The following STK11 variants were observed in gnomAD, a reference collection of about 807,000 sequenced individuals.
The protein encoded by STK11 is serine/threonine-protein kinase STK11.
A neutral mutation model predicts 47.3 loss-of-function variants in STK11; 8 were observed. That is an observed-to-expected ratio of 0.17 (90% CI 0.10 to 0.31). The LOEUF is 0.31. STK11 is among the 10% of genes least tolerant of loss of function. STK11 has a pLI of 1.00. For missense variants in STK11, 475 were observed against 605.0 expected (o/e 0.79, Z 2.25); for synonymous variants, 330 against 255.8 (o/e 1.29, Z -2.77).
intron 1 of STK11, among the ~76,000 whole-genome samples, chr19:1,217,235 A>C (rs945008716): frequency 6.6e-6 from 1 of 151,898 alleles, no homozygotes; most frequent in African/African-American, 2.4e-5. Context: ...CTTTTATGAG[A>C]CAGGGTCTTA....
At position 1,227,665 on chromosome 19, in the gene STK11, G is replaced by A. The variant is rs181155548; in HGVS notation, c.*89G>A. On this transcript the variant is annotated 3_prime_UTR_variant, in exon 10 of 10. Coordinates refer to ENST00000326873, the MANE Select transcript of STK11 (RefSeq NM_000455.5). ...TCCTGCCGGTTCCGCCCGCCCTCCCGGAGAGGTGGCCGCCATGCTTCTGTG... is the reference window on the plus strand; with the variant it reads ...TCCTGCCGGTTCCGCCCGCCCTCCCAGAGAGGTGGCCGCCATGCTTCTGTG... 5.6e-4 allele frequency: 594 copies of A among 1,068,742 alleles called. 3 individuals are homozygous for A. The African/African-American group carries it at 9.0e-3, about 16-fold the overall frequency. 66.2% of individuals were successfully genotyped at this position (1,068,742 alleles called of 1,614,324 possible).
intron 8 of STK11, chr19:1,225,588 TA>T: frequency 1.0e-6 from 1 of 985,522 alleles, no homozygotes; most frequent in Non-Finnish European, 1.2e-6. Context: ...TTTTTAAAGC[TA>T]GTGACTTCCT....
chr19:1,223,844 C>T (rs1017340150), intron 8 of STK11: 3 of 1,026,252 alleles, frequency 2.9e-6, no homozygotes. Context: ...CGGCCCAGGG[C>T]TGGGCCGTGT....
At chr19:1,224,519 C>T (rs34072429) in intron 8 of STK11, 144,315 of 985,316 alleles carry the variant, frequency 0.15, 11,102 homozygotes, top group Non-Finnish European at 0.16. Context: ...GGCAGGAGGG[C>T]CAGTTAGGGC....
intron 1 of STK11, among the ~76,000 whole-genome samples, chr19:1,210,013 C>T (rs1464464418): frequency 1.3e-5 from 2 of 152,194 alleles, no homozygotes; most frequent in Admixed American, 1.3e-4. Context: ...TGTGTAACGG[C>T]TTTGCCCTTG....
intron 1 of STK11, among the ~76,000 whole-genome samples, chr19:1,211,311 T>A (rs1367582742): frequency 6.6e-6 from 1 of 151,992 alleles, no homozygotes; most frequent in Non-Finnish European, 1.5e-5. Flanking sequence ...TAAAATAAAA[T>A]CAGTGCCATA....
rs1203010279 is a variant in STK11, at chr19:1,228,054, TTTTTC to T, written c.*483_*487del. The T allele has an allele frequency of 9.4e-6, 10 of 1,065,394 alleles. No individual in the cohort carries two copies. The highest frequency in any genetic ancestry group is 3.3e-5 in the African/African-American group (2 of 60,974). 66.0% of individuals were successfully genotyped at this position (1,065,394 alleles called of 1,614,324 possible). On this transcript the variant is annotated 3_prime_UTR_variant, in exon 10 of 10. Transcript: ENST00000326873. ...TTTGTTTGGTTGGTTCCATTTTCTT[TTTTTC>T]TTTTTTTTTTTAAGAAAAAATAAAA...
intron 1 of STK11, among the ~76,000 whole-genome samples, chr19:1,216,099 A>T (rs891056738): frequency 6.6e-6 from 1 of 152,078 alleles, no homozygotes; most frequent in African/African-American, 2.4e-5. Context: ...AAAAAAAACT[A>T]TGGAGATGGA....
At chr19:1,224,963 G>C in intron 8 of STK11, 1 of 985,572 alleles carries the variant, frequency 1.0e-6, no homozygotes, top group South Asian at 4.7e-5. Flanking sequence ...GGCGCCCTCG[G>C]GTCAGGCCAT....
At chr19:1,217,093 G>A (rs1250744001) in intron 1 of STK11, among the ~76,000 whole-genome samples, 1 of 152,020 alleles carries the variant, frequency 6.6e-6, no homozygotes, top group African/African-American at 2.4e-5. Flanking sequence ...TGTTCCTCAG[G>A]GTGTGTACCT....
intron 8 of STK11, 34 bp downstream of exon 8, chr19:1,223,206 T>C: frequency 6.3e-7 from 1 of 1,591,160 alleles, no homozygotes; most frequent in African/African-American, 1.3e-5. Context: ...CCGGCTCTGC[T>C]GACTCGGCCA....
rs368014506 is a variant in STK11 at position 1,228,205 on chromosome 19, C to T, written c.*629C>T. 4,123 of 962,588 alleles carry T rather than the reference C, an allele frequency of 4.3e-3. 13 individuals carry two copies. The highest frequency in any genetic ancestry group is 5.4e-3 in the Middle Eastern group (12 of 2,210). 59.6% of individuals were successfully genotyped at this position (962,588 alleles called of 1,614,324 possible). ...CTCGGGTCACCCTGCTTTGGCGGCC[C>T]GGCCGGAGGGCAGGACCCTCACCTC... On this transcript the variant is annotated 3_prime_UTR_variant, in exon 10 of 10. Coordinates refer to ENST00000326873, the MANE Select transcript of STK11 (RefSeq NM_000455.5).
chr19:1,208,830 C>T (rs1331428049), intron 1 of STK11, among the ~76,000 whole-genome samples: 2 of 146,908 alleles, frequency 1.4e-5, no homozygotes, highest in Non-Finnish European at 3.0e-5. Context: ...ACCATCTTGG[C>T]CAGGTTGGTC....
chr19:1,215,713 G>C (rs1260379438), intron 1 of STK11, among the ~76,000 whole-genome samples: 4 of 152,182 alleles, frequency 2.6e-5, no homozygotes, highest in Non-Finnish European at 5.9e-5. Context: ...GGTGGGGAAG[G>C]CTGGGTCGTG....
Position 1,206,970 on chromosome 19 carries a change from G to C in STK11, c.57G>C (p.Ser19=), listed in dbSNP as rs748698151. The part of the protein sequence containing the change: ...LGMFTEGELM[S]VGMDTFIHRI... Reference sequence around the variant, plus strand: ...TGTTCACGGAGGGCGAGCTGATGTCGGTGGGTATGGACACGTTCATCCACC... The same window carrying C: ...TGTTCACGGAGGGCGAGCTGATGTCCGTGGGTATGGACACGTTCATCCACC... Residue 19 remains serine, a synonymous_variant, in exon 1 of 10, where the codon TCG becomes TCC. Transcript: ENST00000326873. The C allele has an allele frequency of 7.4e-6, 12 of 1,611,190 alleles. No individual in the cohort carries two copies. The highest frequency in any genetic ancestry group is 3.3e-5 in the South Asian group (3 of 90,612).
intron 1 of STK11, 87 bp downstream of exon 1, chr19:1,207,290 T>G: frequency 6.8e-7 from 1 of 1,477,102 alleles, no homozygotes; most frequent in Non-Finnish European, 9.1e-7. Flanking sequence ...CCTCCCTCCC[T>G]CCCTTACTTC....
At chr19:1,225,104 G>A in intron 8 of STK11, 1 of 985,956 alleles carries the variant, frequency 1.0e-6, no homozygotes, top group Non-Finnish European at 1.2e-6. Flanking sequence ...GCTAGATCCT[G>A]GGCACCAGTG....
rs2145427038 is a variant in STK11, at chr19:1,221,282, G to A, written c.804G>A (p.Gly268=). The A allele has an allele frequency of 6.2e-7, 1 of 1,611,818 alleles. No individual in the cohort carries two copies. The highest frequency in any genetic ancestry group is 8.5e-7 in the Non-Finnish European group (1 of 1,179,328). ...TCTACAAGTTGTTTGAGAACATCGG[G>A]AAGGGGAGCTACGCCATCCCGGGCG... is the stretch of plus-strand genomic sequence containing the variant. The part of the protein sequence containing the change: ...DNIYKLFENI[G]KGSYAIPGDC... The change falls in exon 6 of 10, where the codon GGG becomes GGA. Residue 268 remains glycine, a synonymous_variant. Coordinates refer to ENST00000326873, the MANE Select transcript of STK11 (RefSeq NM_000455.5).
chr19:1,219,059 A>G (rs1434637195), intron 2 of STK11, among the ~76,000 whole-genome samples: 3 of 152,066 alleles, frequency 2.0e-5, no homozygotes, highest in African/African-American at 7.2e-5. Context: ...TCCCCCGCCC[A>G]TGGGCAGGGT....
Sources: gnomAD v4.1 joint callset for allele counts (sites outside exome capture counted in the v4.1 genomes callset) on GRCh38, gnomAD v4.1.1 for gene constraint, MANE v1.5 for transcripts, NCBI Gene and HGNC (gene_info 2026-07-23, HGNC 2026-07-21) for gene names.